Variants in TSHZ2 observed in about 807,000 individuals in gnomAD.
The protein encoded by TSHZ2 is teashirt homolog 2.
Under a neutral mutation model 74.4 loss-of-function variants are expected in TSHZ2, and 21 were observed. The ratio of observed to expected loss-of-function variants is 0.28; its 90% CI spans 0.20 to 0.41. TSHZ2 has a LOEUF of 0.41. Ranked by LOEUF, TSHZ2 falls within the 10% of genes least tolerant of loss-of-function variation. The pLI is 1.00. For missense variants in TSHZ2, 1,244 were observed against 1,293.5 expected (o/e 0.96, Z 0.59); for synonymous variants, 540 against 515.3 (o/e 1.05, Z -0.65).
intron 2 of TSHZ2, among the ~76,000 whole-genome samples, chr20:53,451,022 T>A (rs556932086): frequency 6.6e-6 from 1 of 152,216 alleles, no homozygotes; most frequent in African/African-American, 2.4e-5. Flanking sequence ...AAGTACACAC[T>A]TTGGAAAACA....
At chr20:53,248,255 T>G (rs1990250995) in intron 1 of TSHZ2, among the ~76,000 whole-genome samples, 1 of 151,930 alleles carries the variant, frequency 6.6e-6, no homozygotes, top group South Asian at 2.1e-4. Context: ...TTATTTTTTT[T>G]GTAGAAACGG....
intron 1 of TSHZ2, among the ~76,000 whole-genome samples, chr20:53,236,538 CA>C (rs1164005728): frequency 3.9e-5 from 6 of 152,212 alleles, no homozygotes; most frequent in Admixed American, 3.9e-4. Context: ...ACTGACATGC[CA>C]CAAGTAAGCT....
At chr20:53,337,240 T>C (rs1004478308) in intron 2 of TSHZ2, among the ~76,000 whole-genome samples, 1 of 152,242 alleles carries the variant, frequency 6.6e-6, no homozygotes, top group Non-Finnish European at 1.5e-5. Flanking sequence ...TAATCTCCTT[T>C]GCTTAAAGTC....
In TSHZ2 at chr20:53,255,168, T is replaced by C; in HGVS notation, c.1710T>C (p.Asn570=). ...CCCAGGTACTGCAGATCCGGCCTAA[T>C]CTCACCAACAAGCTGAGGCCCATTG... The part of the protein sequence containing the change: ...MGSQVLQIRP[N]LTNKLRPIAP... The change falls in exon 2 of 3, where the codon AAT becomes AAC. Residue 570 remains asparagine (N), a synonymous_variant. Coordinates refer to ENST00000371497, the MANE Select transcript of TSHZ2 (RefSeq NM_173485.6). The surrounding 1 kb of genome is among the most constrained non-coding windows in gnomAD (Gnocchi z 4.1). The C allele has an allele frequency of 6.2e-7, 1 of 1,614,144 alleles. No individual in the cohort carries two copies. Among genetic ancestry groups the C allele is most frequent in the Non-Finnish European group, 8.5e-7 (1 of 1,180,032 alleles).
intron 2 of TSHZ2, among the ~76,000 whole-genome samples, chr20:53,434,578 C>T (rs1475798380): frequency 1.3e-5 from 2 of 152,162 alleles, no homozygotes; most frequent in Non-Finnish European, 2.9e-5. Flanking sequence ...CTTGAGTTGT[C>T]CGTTAGGGGG....
At chr20:53,367,308 G>A (rs1981299327) in intron 2 of TSHZ2, among the ~76,000 whole-genome samples, 2 of 151,890 alleles carry the variant, frequency 1.3e-5, no homozygotes, top group South Asian at 2.1e-4. Flanking sequence ...GGAGACTGAG[G>A]CACAAGAATC....
rs914779755 is a variant in TSHZ2 at position 53,153,259 on chromosome 20, A to G, written c.41-100240A>G. 3.9e-5 allele frequency among the ~76,000 whole-genome samples: 6 copies of G among 152,190 alleles called. No homozygotes were observed. The East Asian group carries it at 9.6e-4, about 24-fold the overall frequency. ...ATAAATGTCCCCAGCCTGGGATTCT[A>G]TCAGAGCTCAAAGAGCAGGACTGTT... On this transcript the variant is annotated intron_variant, in intron 1 of 2. Transcript: ENST00000371497.
At chr20:53,209,725 G>C (rs554184105) in intron 1 of TSHZ2, among the ~76,000 whole-genome samples, 15 of 152,154 alleles carry the variant, frequency 9.9e-5, no homozygotes, top group Admixed American at 3.9e-4. Flanking sequence ...GTTTGGAGCC[G>C]AGCTGAACTG....
intron 1 of TSHZ2, among the ~76,000 whole-genome samples, chr20:53,146,952 T>C (rs1245625875): frequency 6.6e-6 from 1 of 152,234 alleles, no homozygotes; most frequent in Non-Finnish European, 1.5e-5. Flanking sequence ...ATTCTGAAGA[T>C]TAACCAGTTA....
At chr20:53,092,923 G>A (rs964286027) in intron 1 of TSHZ2, among the ~76,000 whole-genome samples, 7 of 152,310 alleles carry the variant, frequency 4.6e-5, no homozygotes, top group Admixed American at 4.6e-4. Flanking sequence ...AGCAGCTATA[G>A]ACTAGGTAAA....
chr20:53,397,404 T>C (rs1305597457), intron 2 of TSHZ2, among the ~76,000 whole-genome samples: 2 of 152,156 alleles, frequency 1.3e-5, no homozygotes, highest in African/African-American at 4.8e-5. Flanking sequence ...ATCAGAGAAA[T>C]GCAAATCAAA....
At chr20:53,051,457 G>A (rs117491977) in intron 1 of TSHZ2, among the ~76,000 whole-genome samples, 24,141 of 145,138 alleles carry the variant, frequency 0.17, 2,438 homozygotes, top group Non-Finnish European at 0.22. Context: ...TGTGGCGCAC[G>A]CACACACACA....
intron 2 of TSHZ2, among the ~76,000 whole-genome samples, chr20:53,484,090 T>C (rs1016909138): frequency 2.0e-5 from 3 of 152,222 alleles, no homozygotes; most frequent in African/African-American, 4.8e-5. Flanking sequence ...GACCCATCTC[T>C]CTTCTTCCAA....
At chr20:53,053,599 A>T (rs200873758) in intron 1 of TSHZ2, among the ~76,000 whole-genome samples, 65 of 132,034 alleles carry the variant, frequency 4.9e-4, no homozygotes, top group Middle Eastern at 3.9e-3. Context: ...ATATATATAT[A>T]TTTTTCTCGA....
Position 53,488,188 on chromosome 20 carries a change from G to A in TSHZ2, c.*1053G>A, listed in dbSNP as rs1986345757. On this transcript the variant is annotated 3_prime_UTR_variant, in exon 3 of 3. Coordinates refer to ENST00000371497, the MANE Select transcript of TSHZ2 (RefSeq NM_173485.6). ...AACTTTGAGGGCCCAATTTTAATTT[G>A]TGGAATATTCCCGTTAATAATGAGA... The A allele has an allele frequency of 6.6e-6, 1 of 152,086 alleles. No homozygotes were observed. The highest frequency in any genetic ancestry group is 2.1e-4 in the South Asian group (1 of 4,830). 9.4% of individuals were successfully genotyped at this position (152,086 alleles called of 1,614,324 possible).
chr20:53,086,519 G>A (rs574332284), intron 1 of TSHZ2, among the ~76,000 whole-genome samples: 34 of 152,208 alleles, frequency 2.2e-4, no homozygotes, highest in African/African-American at 7.9e-4. Context: ...TCATCCCCAA[G>A]TGTGTCTACC....
chr20:53,095,499 T>G (rs1986011505), intron 1 of TSHZ2, among the ~76,000 whole-genome samples: 2 of 152,082 alleles, frequency 1.3e-5, no homozygotes, highest in Non-Finnish European at 2.9e-5. Context: ...CAAAGCAAGA[T>G]GATAAGATAT....
chr20:53,382,418 G>A (rs188494571), intron 2 of TSHZ2, among the ~76,000 whole-genome samples: 2 of 152,238 alleles, frequency 1.3e-5, no homozygotes, highest in East Asian at 1.9e-4. Context: ...ACTATCTCCC[G>A]TCCAAACAAG....
At chr20:53,138,872 T>C (rs1175429028) in intron 1 of TSHZ2, among the ~76,000 whole-genome samples, 1 of 152,176 alleles carries the variant, frequency 6.6e-6, no homozygotes, top group Non-Finnish European at 1.5e-5. Context: ...GCGGTGGGCA[T>C]GGTGCACAGA....
Sources: allele counts gnomAD v4.1 joint callset (sites outside exome capture counted in the v4.1 genomes callset), GRCh38; gene constraint gnomAD v4.1.1; non-coding constraint Gnocchi (gnomAD v3.1); transcripts MANE v1.5; gene names NCBI Gene and HGNC (gene_info 2026-07-23, HGNC 2026-07-21).